The following PFKFB3 variants were observed in gnomAD, a reference collection of about 807,000 sequenced individuals.
PFKFB3 encodes the protein 6-phosphofructo-2-kinase/fructose-2,6-biphosphatase 3, also known as 6-phosphofructo-2-kinase/fructose-2,6-bisphosphatase 3.
PFKFB3 carries 33 observed loss-of-function variants against 68.0 expected under a neutral mutation model. That is an observed-to-expected ratio of 0.49 (90% CI 0.37 to 0.65). The LOEUF (loss-of-function observed/expected upper bound fraction) is 0.65. Ranked by LOEUF, PFKFB3 falls within the 30% of genes least tolerant of loss-of-function variation. PFKFB3 has a pLI of 0.00. For missense variants in PFKFB3, 586 were observed against 712.2 expected, an observed-to-expected ratio of 0.82 and a Z score of 2.02; for synonymous variants, 315 against 288.2, an observed-to-expected ratio of 1.09 and a Z score of -0.94.
rs557571725 is a variant in PFKFB3, at chr10:6,228,615, G to A, written c.1515+2250G>A. On this transcript the variant is annotated intron_variant, in intron 14 of 14. Coordinates refer to ENST00000379775, the MANE Select transcript of PFKFB3 (RefSeq NM_004566.4). The surrounding 1 kb of genome is among the most constrained non-coding windows in gnomAD (Gnocchi z 4.5). ...GCCATTAGCCTTAAAGCCCCCTCCT[G>A]CCCCAGGAGTGTCCTTTGTTTTGGA... Among the ~76,000 whole-genome samples, 11 of 152,130 alleles carry A rather than the reference G, an allele frequency of 7.2e-5. No homozygotes were observed. The highest frequency in any genetic ancestry group is 3.3e-4 in the Admixed American group (5 of 15,272).
Position 6,177,393 on chromosome 10 carries a change from T to TTTCTTTCTTTCTTTCTTTCTTTCTTTC in PFKFB3, c.16+32397_16+32398insTCTTTCTTTCTTCTTTCTTTCTTTCTT, listed in dbSNP as rs1554842911. Among the ~76,000 whole-genome samples, 593 of 141,772 alleles carry TTTCTTTCTTTCTTTCTTTCTTTCTTTC rather than the reference T, an allele frequency of 4.2e-3. 11 individuals carry two copies. Among genetic ancestry groups the TTTCTTTCTTTCTTTCTTTCTTTCTTTC allele is most frequent in the African/African-American group, 0.014 (519 of 38,184 alleles). The allele number at this position is 141,772 out of a possible 152,430, so 93.0% of individuals were successfully genotyped here. A position where few individuals can be genotyped will look rare whatever the true frequency, so the allele number is the denominator to read the frequency against. On this transcript the variant is annotated intron_variant, in intron 1 of 14. Transcript: ENST00000379789. The stretch of plus-strand genomic sequence containing the variant: ...CTTTCTTTCTTTCTTTCTTTCTTTC[T>TTTCTTTCTTTCTTTCTTTCTTTCTTTC]TTCTTTCTTTCTTTCTTCTTTCTCT...
At chr10:6,269,974 A>C in the PFKFB3 span, among the ~76,000 whole-genome samples, 28 of 151,996 alleles carry the variant, frequency 1.8e-4, no homozygotes, top group African/African-American at 6.8e-4. Flanking sequence ...TCTACTAAAA[A>C]TACAAAAATT....
the PFKFB3 span, among the ~76,000 whole-genome samples, chr10:6,292,798 A>C: frequency 6.6e-6 from 1 of 152,356 alleles, no homozygotes; most frequent in African/African-American, 2.4e-5. Context: ...TGTATCAGTC[A>C]TTCTAATCAC....
At chr10:6,284,899 A>G in the PFKFB3 span, among the ~76,000 whole-genome samples, 2 of 152,334 alleles carry the variant, frequency 1.3e-5, no homozygotes, top group South Asian at 2.1e-4. Flanking sequence ...TATCTATGTT[A>G]TAGCATAAAT....
At chr10:6,181,567 C>T (rs1220572953) in intron 1 of PFKFB3, among the ~76,000 whole-genome samples, 5 of 152,130 alleles carry the variant, frequency 3.3e-5, no homozygotes, top group Non-Finnish European at 5.9e-5. Context: ...CGCCTGTAAT[C>T]CCAACACTTT....
At chr10:6,181,698 TAGGGTGGGAGGATCACTTGAGCCC>T (rs1247629105) in intron 1 of PFKFB3, among the ~76,000 whole-genome samples, 1 of 149,436 alleles carries the variant, frequency 6.7e-6, no homozygotes, top group Non-Finnish European at 1.5e-5. Context: ...CTCAGGAGGC[TAGGGTGGGAGGATCACTTGAGCCC>T]AGGTGCTCAA....
chr10:6,262,346 C>G, the PFKFB3 span, among the ~76,000 whole-genome samples: 1 of 123,000 alleles, frequency 8.1e-6, no homozygotes, highest in Non-Finnish European at 1.7e-5. Flanking sequence ...CCCAGCTGCT[C>G]CAGAGGCTGA....
chr10:6,213,667 G>GT lies in PFKFB3; in HGVS notation c.122dup (p.Leu43ProfsTer51). On this transcript the variant is annotated frameshift_variant, in exon 2 of 15. Transcript: ENST00000379775. LOFTEE classifies it high-confidence loss of function. ...CAACTCCCCCACCGTCATCGTCATG[G>GT]TGGGCCTCCCCGCCCGGGGCAAGAC... The GT allele has an allele frequency of 6.2e-7, 1 of 1,613,532 alleles. No homozygotes were observed. The highest frequency in any genetic ancestry group is 8.5e-7 in the Non-Finnish European group (1 of 1,179,806).
At chr10:6,300,671 T>C in the PFKFB3 span, among the ~76,000 whole-genome samples, 155 of 152,288 alleles carry the variant, frequency 1.0e-3, no homozygotes, top group African/African-American at 3.7e-3. Flanking sequence ...GCTTTCTTAT[T>C]AACTCCACCC....
chr10:6,253,285 G>A (rs181019614), intron 14 of PFKFB3, among the ~76,000 whole-genome samples: 55 of 152,298 alleles, frequency 3.6e-4, no homozygotes, highest in African/African-American at 1.1e-3. Context: ...TCATAAAATC[G>A]TAACTGCTTC....
chr10:6,297,510 T>C, the PFKFB3 span, among the ~76,000 whole-genome samples: 3 of 152,094 alleles, frequency 2.0e-5, no homozygotes, highest in Non-Finnish European at 2.9e-5. Flanking sequence ...GTCCTTCTTT[T>C]TTTTTTTGTA....
Position 6,222,992 on chromosome 10 carries a change from G to T in PFKFB3, c.1213+8G>T, listed in dbSNP as rs143309452. 1.2e-6 allele frequency: 2 copies of T among 1,611,138 alleles called. No individual in the cohort carries two copies. The highest frequency in any genetic ancestry group is 1.7e-6 in the Non-Finnish European group (2 of 1,178,302). ...TCCTGGATAAGAGTGCAGGTACCTCGGGCAGGTCGTGGCCCCGGGATGGAG... is the reference window on the plus strand; with the variant it reads ...TCCTGGATAAGAGTGCAGGTACCTCTGGCAGGTCGTGGCCCCGGGATGGAG... On this transcript the variant is annotated splice_region_variant and intron_variant, in intron 11 of 14. Transcript: ENST00000379775.
intron 1 of PFKFB3, among the ~76,000 whole-genome samples, chr10:6,185,657 T>TTTTG (rs1842849448): frequency 1.3e-5 from 2 of 150,224 alleles, no homozygotes; most frequent in Non-Finnish European, 3.0e-5. Context: ...TTTTTTTTTT[T>TTTTG]GAGATGGAGT....
At chr10:6,201,060 C>A (rs1451360756), upstream of PFKFB3, among the ~76,000 whole-genome samples, 3 of 152,184 alleles carry the variant, frequency 2.0e-5, no homozygotes, top group Non-Finnish European at 4.4e-5. This position sits in a 1 kb window ranked among gnomAD's most constrained non-coding sequence, Gnocchi z 4.1. Context: ...AAGCAGCGGG[C>A]GCGCAGGTGC....
the PFKFB3 span, among the ~76,000 whole-genome samples, chr10:6,290,998 G>A: frequency 2.2e-4 from 34 of 151,626 alleles, no homozygotes; most frequent in Non-Finnish European, 4.4e-4. Context: ...CATGTTTGTT[G>A]CATACATGAG....
rs1395682576 is a variant in PFKFB3, at chr10:6,231,881, TCGGCGGGCACCCATCACCTCC to T, written c.1516-1010_1516-990del. Among the ~76,000 whole-genome samples the T allele has an allele frequency of 2.7e-5, 4 of 147,226 alleles. No individual in the cohort carries two copies. The East Asian group carries it at 8.0e-4, about 30-fold the overall frequency. On this transcript the variant is annotated intron_variant, in intron 14 of 14. Coordinates refer to ENST00000379775, the MANE Select transcript of PFKFB3 (RefSeq NM_004566.4). ...CCTCCTGGCGGGCACCCATCACCTC[TCGGCGGGCACCCATCACCTCC>T]CGGTGGGCACCCATCACCTGGGTTC... is the stretch of plus-strand genomic sequence containing the variant.
chr10:6,218,529 A>G (rs1234145074), intron 6 of PFKFB3, among the ~76,000 whole-genome samples: 1 of 151,900 alleles, frequency 6.6e-6, no homozygotes, highest in Non-Finnish European at 1.5e-5. Context: ...CCCGGGTTCA[A>G]GCGATTCTCC....
intron 1 of PFKFB3, among the ~76,000 whole-genome samples, chr10:6,191,741 G>T (rs74114549): frequency 6.6e-6 from 1 of 152,102 alleles, no homozygotes; most frequent in East Asian, 1.9e-4. Flanking sequence ...TACAGAGAAG[G>T]CATCTCTTTC....
At chr10:6,292,030 T>C in the PFKFB3 span, among the ~76,000 whole-genome samples, 2 of 141,032 alleles carry the variant, frequency 1.4e-5, no homozygotes, top group African/African-American at 5.2e-5. Flanking sequence ...CTTGGCTCAC[T>C]GCAACCTCCA....
Sources: allele counts gnomAD v4.1 joint callset (sites outside exome capture counted in the v4.1 genomes callset), GRCh38; gene constraint gnomAD v4.1.1; non-coding constraint Gnocchi (gnomAD v3.1); transcripts MANE v1.5; gene names NCBI Gene and HGNC (gene_info 2026-07-23, HGNC 2026-07-21).